The following PPP1R12B variants were observed in gnomAD, a reference collection of about 807,000 sequenced individuals.
PPP1R12B encodes the protein myosin phosphatase target subunit 2.
Under a neutral mutation model 126.1 loss-of-function variants are expected in PPP1R12B, and 76 were observed. That is an observed-to-expected ratio of 0.60 (90% confidence interval 0.50 to 0.73). The LOEUF (loss-of-function observed/expected upper bound fraction) is 0.73, where lower values mean the gene tolerates loss of function less well. Ranked by LOEUF, PPP1R12B falls within the 30% of genes least tolerant of loss-of-function variation. The probability of loss-of-function intolerance (pLI) is 0.00; values close to 1 mark genes in which losing one functional copy is unlikely to be tolerated. For missense variants in PPP1R12B, 1,052 were observed against 1,205.1 expected (o/e 0.87, Z 1.88); for synonymous variants, 356 against 434.7 (o/e 0.82, Z 2.25).
At chr1:202,575,424 T>C in intron 23 of PPP1R12B, 1 of 371,886 alleles carries the variant, frequency 2.7e-6, no homozygotes. Context: ...AGACTGAGTA[T>C]GAATTTGTTC....
At chr1:202,551,601 G>A (rs1686331579) in intron 18 of PPP1R12B, among the ~76,000 whole-genome samples, 1 of 151,928 alleles carries the variant, frequency 6.6e-6, no homozygotes, top group Non-Finnish European at 1.5e-5. Context: ...CACCTGATCT[G>A]TAGAACCCAC....
intron 5 of PPP1R12B, 66 bp from the exon 6 acceptor site, chr1:202,428,789 A>G (rs982413133): frequency 2.1e-6 from 3 of 1,463,056 alleles, no homozygotes; most frequent in African/African-American, 1.4e-5. Context: ...ATAGTTCCCT[A>G]CTAATAAAGT....
intron 10 of PPP1R12B, 188 bp downstream of exon 10, chr1:202,438,212 CA>C (rs1558226733): frequency 6.4e-7 from 1 of 1,564,392 alleles, no homozygotes. Flanking sequence ...TTTGCTTGAC[CA>C]AAAAAGAAAA....
rs1256628781 is a variant in PPP1R12B at position 202,591,650 on chromosome 1, CAGG to C, written c.*11095_*11097del. The C allele has an allele frequency of 1.3e-5, 2 of 152,696 alleles. No individual in the cohort carries two copies. Among genetic ancestry groups the C allele is most frequent in the Non-Finnish European group, 2.9e-5 (2 of 68,284 alleles). The allele number at this position is 152,696 out of a possible 1,614,324, so 9.5% of individuals were successfully genotyped here. On this transcript the variant is annotated 3_prime_UTR_variant, in exon 24 of 24. Coordinates refer to ENST00000608999, the MANE Select transcript of PPP1R12B (RefSeq NM_002481.4). ...TATTGGGCTGCTTTCTGTCAGACTG[CAGG>C]AGGATGCACGAGGGAAGAGCGTCAG... is the stretch of plus-strand genomic sequence containing the variant.
At chr1:202,462,951 A>G (rs1364973235) in intron 13 of PPP1R12B, 1 of 985,292 alleles carries the variant, frequency 1.0e-6, no homozygotes, top group Non-Finnish European at 1.2e-6. Context: ...TATGGAAATC[A>G]GAGGCACAGG....
chr1:202,387,539 A>G (rs1227396549), intron 1 of PPP1R12B, among the ~76,000 whole-genome samples: 1 of 152,170 alleles, frequency 6.6e-6, no homozygotes, highest in Non-Finnish European at 1.5e-5. Flanking sequence ...TGTGCCGGCT[A>G]GCTATTTGGC....
chr1:202,382,501 AAG>A (rs1491023486), intron 1 of PPP1R12B, among the ~76,000 whole-genome samples: 3 of 151,310 alleles, frequency 2.0e-5, no homozygotes, highest in East Asian at 3.9e-4. Flanking sequence ...AAAAAAAAAA[AAG>A]AAACAAATCT....
Position 202,591,252 on chromosome 1 carries a change from T to C in PPP1R12B, c.*10692T>C, listed in dbSNP as rs1690102671. On this transcript the variant is annotated 3_prime_UTR_variant, in exon 24 of 24. Transcript: ENST00000608999. Reference sequence around the variant, plus strand: ...CAGGGCAAGCCTGCCTCGCCACCTCTGGCCTCCTCGAATGCGCCCTGCCTG... The same window carrying C: ...CAGGGCAAGCCTGCCTCGCCACCTCCGGCCTCCTCGAATGCGCCCTGCCTG... The C allele has an allele frequency of 6.5e-6, 1 of 152,724 alleles. No individual in the cohort carries two copies. The highest frequency in any genetic ancestry group is 2.4e-5 in the African/African-American group (1 of 41,604). 9.5% of individuals were successfully genotyped at this position (152,724 alleles called of 1,614,324 possible).
intron 13 of PPP1R12B, among the ~76,000 whole-genome samples, chr1:202,484,452 TGTAA>T (rs1287050507): frequency 1.3e-5 from 2 of 152,254 alleles, no homozygotes; most frequent in South Asian, 2.1e-4. Context: ...AGCTACTAAT[TGTAA>T]GTGTCACGGG....
chr1:202,469,700 AAT>A (rs770427544), intron 13 of PPP1R12B, among the ~76,000 whole-genome samples: 2 of 152,190 alleles, frequency 1.3e-5, no homozygotes, highest in East Asian at 1.9e-4. Flanking sequence ...AAGAAAAAAA[AAT>A]ATGCCACCGA....
chr1:202,505,105 C>T (rs1680668535), intron 18 of PPP1R12B, among the ~76,000 whole-genome samples: 1 of 152,092 alleles, frequency 6.6e-6, no homozygotes, highest in Non-Finnish European at 1.5e-5. Context: ...TGTTCTGACA[C>T]ATAACTGAAG....
intron 15 of PPP1R12B, 50 bp from the exon 16 acceptor site, chr1:202,495,243 T>G: frequency 6.8e-7 from 1 of 1,476,690 alleles, no homozygotes; most frequent in Non-Finnish European, 9.1e-7. Context: ...CTGTCCTTAC[T>G]CTTTAGATGG....
In PPP1R12B at chr1:202,480,784, A is replaced by G. The variant is rs1288290376; in HGVS notation, c.1851-7749A>G. 4.6e-5 allele frequency among the ~76,000 whole-genome samples: 7 copies of G among 152,256 alleles called. No individual in the cohort carries two copies. The East Asian group carries it at 1.2e-3, about 25-fold the overall frequency. On this transcript the variant is annotated intron_variant, in intron 13 of 23. Coordinates refer to ENST00000608999, the MANE Select transcript of PPP1R12B (RefSeq NM_002481.4). Reference sequence around the variant, plus strand: ...TTTTACAAATGCACCAATATTTTACAAATGACTAATGAAGATATGTTACAA... The same window carrying G: ...TTTTACAAATGCACCAATATTTTACGAATGACTAATGAAGATATGTTACAA...
intron 18 of PPP1R12B, among the ~76,000 whole-genome samples, chr1:202,544,762 A>T (rs1436052511): frequency 6.6e-6 from 1 of 152,254 alleles, no homozygotes; most frequent in Non-Finnish European, 1.5e-5. Context: ...AATATTTTTC[A>T]GTCAGCCATT....
chr1:202,552,822 C>CA (rs1290650797), intron 18 of PPP1R12B, among the ~76,000 whole-genome samples: 1 of 152,184 alleles, frequency 6.6e-6, no homozygotes, highest in Non-Finnish European at 1.5e-5. Flanking sequence ...GACTTGGTCT[C>CA]ATTCCTTTCC....
Position 202,493,413 on chromosome 1 carries a change from C to T in PPP1R12B, c.2145+96C>T. 6.9e-6 allele frequency: 9 copies of T among 1,301,724 alleles called. No homozygotes were observed. In the South Asian group the frequency reaches 1.2e-4, roughly 17 times the overall value. The allele number at this position is 1,301,724 out of a possible 1,614,324, so 80.6% of individuals were successfully genotyped here. A position where few individuals can be genotyped will look rare whatever the true frequency, so the allele number is the denominator to read the frequency against. Reference sequence around the variant, plus strand: ...TGGTAGTTCAAAGGCTGTGTTCTACCTTGCAATGGACAACTCACTCAGTAT... The same window carrying T: ...TGGTAGTTCAAAGGCTGTGTTCTACTTTGCAATGGACAACTCACTCAGTAT... On this transcript the variant is annotated intron_variant, in intron 15 of 23. Coordinates refer to ENST00000608999, the MANE Select transcript of PPP1R12B (RefSeq NM_002481.4).
Position 202,580,494 on chromosome 1 carries a change from C to T in PPP1R12B, c.2883C>T (p.Ser961=), listed in dbSNP as rs575694504. ...TACAGGTGTTAACAGAACTGAAATC[C>T]GACAACCAGAGGCTGAAAGATGAAA... ...EEMKVLTELK[S]DNQRLKDENG... Residue 961 remains serine, a synonymous_variant, in exon 24 of 24, where the codon TCC becomes TCT. Coordinates refer to ENST00000608999, the MANE Select transcript of PPP1R12B (RefSeq NM_002481.4). 6.5e-5 allele frequency: 105 copies of T among 1,613,734 alleles called. No individual in the cohort carries two copies. Among genetic ancestry groups the T allele is most frequent in the Non-Finnish European group, 7.4e-5 (87 of 1,179,796 alleles).
At chr1:202,377,713 A>G (rs1661427436) in intron 1 of PPP1R12B, among the ~76,000 whole-genome samples, 3 of 152,186 alleles carry the variant, frequency 2.0e-5, no homozygotes, top group African/African-American at 4.8e-5. Context: ...CTCTAGGGCA[A>G]TAGTGAAAGG....
chr1:202,519,551 C>A (rs1042215658), intron 18 of PPP1R12B, among the ~76,000 whole-genome samples: 5 of 152,088 alleles, frequency 3.3e-5, no homozygotes, highest in African/African-American at 1.2e-4. Flanking sequence ...GGATTACAGG[C>A]GTGAACCACT....
Sources: gnomAD v4.1 joint callset for allele counts (sites outside exome capture counted in the v4.1 genomes callset) on GRCh38, gnomAD v4.1.1 for gene constraint, MANE v1.5 for transcripts, NCBI Gene and HGNC (gene_info 2026-07-23, HGNC 2026-07-21) for gene names.